Variants in GAN observed in about 807,000 individuals in gnomAD.
The protein encoded by GAN is gigaxonin, also known as epididymis secretory sperm binding protein.
GAN carries 48 observed loss-of-function variants against 71.3 expected under a neutral mutation model. The observed-to-expected ratio is 0.67, with a 90% CI of 0.53 to 0.86. The LOEUF (loss-of-function observed/expected upper bound fraction) is 0.86. GAN is among the 40% of genes least tolerant of loss of function. The pLI, the probability that GAN is intolerant of heterozygous loss-of-function variation, is 0.00. For missense variants in GAN, 928 were observed against 770.1 expected, an observed-to-expected ratio of 1.21 and a Z score of -2.43; for synonymous variants, 386 against 276.8, an observed-to-expected ratio of 1.39 and a Z score of -3.92.
intron 1 of GAN, among the ~76,000 whole-genome samples, chr16:81,343,205 G>T (rs11642571): frequency 0.13 from 20,506 of 152,200 alleles, 1,503 homozygotes; most frequent in Admixed American, 0.17. Flanking sequence ...AGAGGAGCTG[G>T]TACCATTCCT....
chr16:81,373,954 G>A (rs1904274673), intron 9 of GAN, among the ~76,000 whole-genome samples: 1 of 152,192 alleles, frequency 6.6e-6, no homozygotes, highest in South Asian at 2.1e-4. Context: ...TGTTGGCCAG[G>A]ATGGTCTTGA....
chr16:81,326,741 G>T (rs1175766840), intron 1 of GAN, among the ~76,000 whole-genome samples: 3 of 152,164 alleles, frequency 2.0e-5, no homozygotes, highest in Non-Finnish European at 4.4e-5. Context: ...TATACAGCAT[G>T]TGACTGTACT....
chr16:81,374,011 G>A (rs1469567115), intron 9 of GAN, among the ~76,000 whole-genome samples: 2 of 152,200 alleles, frequency 1.3e-5, no homozygotes, highest in African/African-American at 4.8e-5. Context: ...AAAGTGCTGG[G>A]ATTACAGGCG....
rs138708808 is a variant in GAN at position 81,319,363 on chromosome 16, T to G, written c.167+4083T>G. Among the ~76,000 whole-genome samples the G allele has an allele frequency of 1.2e-3, 188 of 152,130 alleles. 1 individual carries two copies. The highest frequency in any genetic ancestry group is 4.3e-3 in the African/African-American group (180 of 41,480). ...AGGAAATTTATTTTTCTTTTGAATATTACAGTTTGGTCTGCTTCATGTCTG... is the reference window on the plus strand; with the variant it reads ...AGGAAATTTATTTTTCTTTTGAATAGTACAGTTTGGTCTGCTTCATGTCTG... On this transcript the variant is annotated intron_variant, in intron 1 of 10. Coordinates refer to ENST00000648994, the MANE Select transcript of GAN (RefSeq NM_022041.4).
intron 7 of GAN, 121 bp downstream of exon 7, chr16:81,364,064 G>C: frequency 1.2e-6 from 1 of 852,540 alleles, no homozygotes; most frequent in Non-Finnish European, 2.0e-6. Context: ...TAACTTTATA[G>C]AACTCTCTTT....
intron 1 of GAN, among the ~76,000 whole-genome samples, chr16:81,333,878 T>G (rs111458037): frequency 2.6e-5 from 4 of 152,320 alleles, no homozygotes; most frequent in African/African-American, 9.6e-5. Context: ...TTGTTACTTA[T>G]AGTTGTGCAC....
At chr16:81,375,333 A>AT (rs1567500327) in intron 9 of GAN, among the ~76,000 whole-genome samples, 8 of 127,534 alleles carry the variant, frequency 6.3e-5, no homozygotes, top group East Asian at 5.1e-4. Context: ...TTTTTTTTTA[A>AT]TTTATCTTTT....
In GAN at chr16:81,351,674, C is replaced by G; in HGVS notation, c.259C>G (p.Leu87Val). 2 of 1,503,164 alleles carry G rather than the reference C, an allele frequency of 1.3e-6. No individual in the cohort carries two copies. The highest frequency in any genetic ancestry group is 1.9e-6 in the Non-Finnish European group (2 of 1,078,770). The allele number at this position is 1,503,164 out of a possible 1,614,324, so 93.1% of individuals were successfully genotyped here. Residue 87 changes from leucine to valine, a missense_variant, in exon 2 of 11, where the codon CTG (leucine) becomes GTG (valine). Transcript: ENST00000648994. ...GISVMVMREI[L>V]DYIFSGQIRL... ...ATCGGTAATGGTTATGAGAGAGATC[C>G]TGGATTACATCTTCAGTGGGCAGGT...
chr16:81,316,904 G>T (rs566537280), intron 1 of GAN, among the ~76,000 whole-genome samples: 1 of 152,284 alleles, frequency 6.6e-6, no homozygotes, highest in African/African-American at 2.4e-5. Context: ...TTTAGCCCAG[G>T]CTAGAGTGCA....
At chr16:81,347,414 G>T (rs1169344896) in intron 1 of GAN, among the ~76,000 whole-genome samples, 3 of 152,174 alleles carry the variant, frequency 2.0e-5, no homozygotes, top group Admixed American at 6.5e-5. Context: ...TCCTTCTGCT[G>T]GTACATAGCT....
chr16:81,356,609 G>C (rs1230033532), intron 3 of GAN, among the ~76,000 whole-genome samples, 176 bp from the exon 4 acceptor site: 2 of 152,182 alleles, frequency 1.3e-5, no homozygotes, highest in Non-Finnish European at 2.9e-5. Flanking sequence ...AAGACTCTGG[G>C]AAGTAGACAG....
intron 2 of GAN, 118 bp downstream of exon 2, chr16:81,351,815 G>A: frequency 1.4e-6 from 1 of 733,464 alleles, no homozygotes; most frequent in East Asian, 2.6e-5. Context: ...TTCTGTCACT[G>A]TGTGCATTGA....
chr16:81,347,210 A>G (rs1471188131), intron 1 of GAN, among the ~76,000 whole-genome samples: 1 of 152,256 alleles, frequency 6.6e-6, no homozygotes, highest in Admixed American at 6.5e-5. Flanking sequence ...CACCTAGACA[A>G]CAGCCAGTGG....
At chr16:81,328,672 A>C (rs932520863) in intron 1 of GAN, among the ~76,000 whole-genome samples, 3 of 146,788 alleles carry the variant, frequency 2.0e-5, no homozygotes, top group African/African-American at 7.6e-5. Flanking sequence ...TAGATCTATC[A>C]CCATTTTTTT....
chr16:81,316,376 G>A (rs1909041667), intron 1 of GAN, among the ~76,000 whole-genome samples: 1 of 151,690 alleles, frequency 6.6e-6, no homozygotes, highest in Admixed American at 6.6e-5. Flanking sequence ...TTGCATTGGG[G>A]AGATATCTGT....
At chr16:81,359,784 A>G (rs571841024) in intron 5 of GAN, among the ~76,000 whole-genome samples, 1 of 152,326 alleles carries the variant, frequency 6.6e-6, no homozygotes, top group South Asian at 2.1e-4. Context: ...CATACCCATG[A>G]TAAAGTTTAA....
intron 1 of GAN, among the ~76,000 whole-genome samples, chr16:81,348,613 C>T (rs915821764): frequency 6.6e-6 from 1 of 152,216 alleles, no homozygotes; most frequent in Non-Finnish European, 1.5e-5. Context: ...CAGCCATGAG[C>T]CTACAGGCCG....
chr16:81,377,655 A>C lies in GAN; in HGVS notation c.*59A>C. 6.8e-7 allele frequency: 1 copy of C among 1,459,992 alleles called. No individual in the cohort carries two copies. The highest frequency in any genetic ancestry group is 9.6e-7 in the Non-Finnish European group (1 of 1,040,622). 90.4% of individuals were successfully genotyped at this position (1,459,992 alleles called of 1,614,324 possible). A position where few individuals can be genotyped will look rare whatever the true frequency, so the allele number is the denominator to read the frequency against. On this transcript the variant is annotated 3_prime_UTR_variant, in exon 11 of 11. Coordinates refer to ENST00000648994, the MANE Select transcript of GAN (RefSeq NM_022041.4). ...CAAGAGCACCATAACATAGCTCCGA[A>C]AGGGAGAGCAGAGATGGCAGCTGAA...
At chr16:81,334,593 C>T (rs1004689553) in intron 1 of GAN, among the ~76,000 whole-genome samples, 3 of 152,150 alleles carry the variant, frequency 2.0e-5, no homozygotes, top group African/African-American at 7.2e-5. Flanking sequence ...CGGATTATTG[C>T]ACTGGGGACA....
Sources: gnomAD v4.1 joint callset for allele counts (sites outside exome capture counted in the v4.1 genomes callset) on GRCh38, gnomAD v4.1.1 for gene constraint, MANE v1.5 for transcripts, NCBI Gene and HGNC (gene_info 2026-07-23, HGNC 2026-07-21) for gene names.